The following IGFL2 variants were observed in gnomAD, a reference collection of about 807,000 sequenced individuals.
IGFL2 encodes the protein insulin growth factor-like family member 2.
IGFL2 carries 7 observed loss-of-function variants against 13.9 expected under a neutral mutation model. The ratio of observed to expected loss-of-function variants is 0.51; its 90% CI spans 0.29 to 0.95. The LOEUF (loss-of-function observed/expected upper bound fraction) is 0.95. IGFL2 is among the 40% of genes least tolerant of loss of function. IGFL2 has a pLI of 0.08. For synonymous variants in IGFL2, 55 were observed against 55.8 expected (o/e 0.99, Z 0.07); for missense variants, 138 against 147.8 (o/e 0.93, Z 0.34).
chr19:46,150,321 G>A (rs545501001), intron 1 of IGFL2, among the ~76,000 whole-genome samples: 2 of 152,206 alleles, frequency 1.3e-5, no homozygotes, highest in South Asian at 4.2e-4. Flanking sequence ...TCATTATGTG[G>A]ATTGTGTTCA....
the IGFL2 span, chr19:46,212,294 T>C: frequency 6.6e-6 from 1 of 152,470 alleles, no homozygotes; most frequent in Non-Finnish European, 1.5e-5. Flanking sequence ...CCTCTTCCCT[T>C]GTCGCCTGCC....
At chr19:46,144,788 C>T (rs1973032455), upstream of IGFL2, among the ~76,000 whole-genome samples, 2 of 152,064 alleles carry the variant, frequency 1.3e-5, no homozygotes, top group Admixed American at 1.3e-4. Flanking sequence ...AGTTCCATCA[C>T]CCCAAACCCA....
At chr19:46,165,584 A>G (rs1054170265), downstream of IGFL2, among the ~76,000 whole-genome samples, 49 of 152,210 alleles carry the variant, frequency 3.2e-4, no homozygotes, top group Non-Finnish European at 2.2e-4. Flanking sequence ...CACCTACATG[A>G]CAGCTGAAGG....
chr19:46,170,117 G>T, the IGFL2 span, among the ~76,000 whole-genome samples: 1 of 151,934 alleles, frequency 6.6e-6, no homozygotes, highest in East Asian at 1.9e-4. Context: ...ATAAAATAGG[G>T]ATAGCTAAAT....
At chr19:46,162,955 A>C (rs1170724564), downstream of IGFL2, among the ~76,000 whole-genome samples, 1 of 151,924 alleles carries the variant, frequency 6.6e-6, no homozygotes, top group African/African-American at 2.4e-5. Context: ...GTGTAGATTA[A>C]GTACAGTCAA....
chr19:46,135,060 A>C, the IGFL2 span, among the ~76,000 whole-genome samples: 1 of 152,174 alleles, frequency 6.6e-6, no homozygotes, highest in Non-Finnish European at 1.5e-5. Flanking sequence ...TCATTTACAA[A>C]ATTTTCTTAA....
chr19:46,148,768 A>T (rs188907297), intron 1 of IGFL2: 4 of 1,105,700 alleles, frequency 3.6e-6, no homozygotes, highest in Admixed American at 5.7e-5. Flanking sequence ...AGCACTGTGG[A>T]TAGGGTTGGG....
chr19:46,119,529 ACTG>A, the IGFL2 span, among the ~76,000 whole-genome samples: 1 of 141,138 alleles, frequency 7.1e-6, no homozygotes, highest in South Asian at 2.2e-4. Flanking sequence ...TTCTCATCCC[ACTG>A]CTGCTACTAC....
the IGFL2 span, chr19:46,204,323 G>C: frequency 6.6e-6 from 1 of 152,324 alleles, no homozygotes; most frequent in Non-Finnish European, 1.5e-5. Context: ...CCTGGGACTG[G>C]GGGGGGTTGC....
intron 1 of IGFL2, among the ~76,000 whole-genome samples, chr19:46,155,234 C>T (rs570724702): frequency 7.2e-5 from 11 of 152,192 alleles, no homozygotes; most frequent in Admixed American, 2.0e-4. Context: ...ATAGCACATC[C>T]GCAACATGGA....
At chr19:46,120,310 G>T in the IGFL2 span, 22 of 1,610,790 alleles carry the variant, frequency 1.4e-5, 1 homozygote, top group African/African-American at 2.8e-4. Flanking sequence ...TCTGCCGTCT[G>T]CCAGTGGAGC....
the IGFL2 span, among the ~76,000 whole-genome samples, chr19:46,205,975 A>G: frequency 6.6e-6 from 1 of 152,188 alleles, no homozygotes; most frequent in Non-Finnish European, 1.5e-5. Flanking sequence ...AAGGGCTGGG[A>G]AGCTGACAAT....
the IGFL2 span, among the ~76,000 whole-genome samples, chr19:46,166,879 G>T: frequency 6.6e-6 from 1 of 152,156 alleles, no homozygotes; most frequent in Non-Finnish European, 1.5e-5. Flanking sequence ...CTGTTATCCT[G>T]TTCTTTTTTC....
intron 1 of IGFL2, among the ~76,000 whole-genome samples, chr19:46,155,717 C>T (rs1973785754): frequency 6.6e-6 from 1 of 152,068 alleles, no homozygotes; most frequent in East Asian, 1.9e-4. Context: ...CATTCCCCCC[C>T]AATATAGATA....
At chr19:46,190,747 G>A in the IGFL2 span, among the ~76,000 whole-genome samples, 1,424 of 152,318 alleles carry the variant, frequency 9.3e-3, 23 homozygotes, top group African/African-American at 0.032. Context: ...TTCCCCCATG[G>A]GGGGTGGGGG....
At chr19:46,079,562 G>A in the IGFL2 span, among the ~76,000 whole-genome samples, 1 of 152,126 alleles carries the variant, frequency 6.6e-6, no homozygotes, top group Admixed American at 6.5e-5. Context: ...CCCCCAGCCA[G>A]CCACCCGAGT....
chr19:46,163,745 G>C (rs1217237432), downstream of IGFL2: 1 of 152,528 alleles, frequency 6.6e-6, no homozygotes, highest in African/African-American at 2.4e-5. Context: ...GAATCTGCCT[G>C]ATGAGGAGAC....
the IGFL2 span, among the ~76,000 whole-genome samples, chr19:46,107,462 G>A: frequency 6.6e-6 from 1 of 152,368 alleles, no homozygotes; most frequent in South Asian, 2.1e-4. Flanking sequence ...AGGAATCCCA[G>A]GCTGTGGGCA....
At chr19:46,189,431 G>T in the IGFL2 span, among the ~76,000 whole-genome samples, 1 of 152,126 alleles carries the variant, frequency 6.6e-6, no homozygotes, top group African/African-American at 2.4e-5. Flanking sequence ...CAGGCCTGAC[G>T]GATGTCAGGC....
Sources: allele counts gnomAD v4.1 joint callset (sites outside exome capture counted in the v4.1 genomes callset), GRCh38; gene constraint gnomAD v4.1.1; transcripts MANE v1.5; gene names NCBI Gene and HGNC (gene_info 2026-07-23, HGNC 2026-07-21).